Variants in DNM3 observed in about 807,000 individuals in gnomAD.
The protein encoded by DNM3 is dynamin 3.
A neutral mutation model predicts 101.6 loss-of-function variants in DNM3; 47 were observed. The ratio of observed to expected loss-of-function variants is 0.46; its 90% confidence interval spans 0.37 to 0.59. The LOEUF is 0.59. Ranked by LOEUF, DNM3 falls within the 20% of genes least tolerant of loss-of-function variation. The pLI is 0.00. For missense variants in DNM3, 849 were observed against 1,085.7 expected, an observed-to-expected ratio of 0.78 and a Z score of 3.06; for synonymous variants, 385 against 387.9, an observed-to-expected ratio of 0.99 and a Z score of 0.09.
intron 17 of DNM3, among the ~76,000 whole-genome samples, chr1:172,340,877 T>C (rs2066655687): frequency 6.6e-6 from 1 of 152,234 alleles, no homozygotes; most frequent in Non-Finnish European, 1.5e-5. Flanking sequence ...TCTTGTCTTC[T>C]GCTGGTTTTC....
At chr1:172,296,038 G>T (rs1015980788) in intron 15 of DNM3, among the ~76,000 whole-genome samples, 1 of 127,996 alleles carries the variant, frequency 7.8e-6, no homozygotes, top group Non-Finnish European at 1.7e-5. Flanking sequence ...AGCAACCATT[G>T]ATGGAGAATC....
chr1:171,971,315 C>G (rs1349731237), intron 2 of DNM3, among the ~76,000 whole-genome samples: 1 of 152,028 alleles, frequency 6.6e-6, no homozygotes, highest in East Asian at 1.9e-4. Context: ...AATTCAGATT[C>G]TACCCTTTCT....
chr1:172,325,759 C>T (rs2065913757), intron 17 of DNM3, among the ~76,000 whole-genome samples: 1 of 152,116 alleles, frequency 6.6e-6, no homozygotes. Context: ...CTGCCATATA[C>T]GTGAGCCAGC....
At chr1:172,399,819 C>T (rs1036781111) in intron 20 of DNM3, 1 of 151,746 alleles carries the variant, frequency 6.6e-6, no homozygotes, top group Non-Finnish European at 1.5e-5. Context: ...TAAAACTGAC[C>T]TTTTAATTCA....
At chr1:172,108,373 G>A (rs1355935657) in intron 13 of DNM3, among the ~76,000 whole-genome samples, 1 of 152,028 alleles carries the variant, frequency 6.6e-6, no homozygotes, top group East Asian at 1.9e-4. Context: ...TCCCTTGGGA[G>A]TAATTTGCAT....
chr1:172,378,398 G>T (rs1026888805), intron 17 of DNM3: 1 of 152,152 alleles, frequency 6.6e-6, no homozygotes, highest in Admixed American at 6.6e-5. Flanking sequence ...AGTAATAATT[G>T]TAAGTTTTTC....
At chr1:172,081,055 G>T (rs1317607265) in intron 11 of DNM3, among the ~76,000 whole-genome samples, 2 of 147,736 alleles carry the variant, frequency 1.4e-5, no homozygotes, top group Non-Finnish European at 3.0e-5. Flanking sequence ...CTGCATACTG[G>T]AGCTGTTCCT....
At chr1:171,999,716 C>T (rs961965239) in intron 4 of DNM3, among the ~76,000 whole-genome samples, 18 of 152,006 alleles carry the variant, frequency 1.2e-4, no homozygotes, top group African/African-American at 4.3e-4. Context: ...TGAGATAATC[C>T]TGGATTTAGG....
chr1:172,319,674 A>G (rs1366672917), intron 16 of DNM3, among the ~76,000 whole-genome samples: 2 of 152,228 alleles, frequency 1.3e-5, no homozygotes, highest in Non-Finnish European at 2.9e-5. Context: ...AATCAAAACC[A>G]CAATGAGATA....
chr1:172,011,840 A>G (rs531498105), intron 4 of DNM3, among the ~76,000 whole-genome samples: 1 of 152,150 alleles, frequency 6.6e-6, no homozygotes, highest in East Asian at 1.9e-4. Flanking sequence ...TAAATTTCTC[A>G]TGTGAACTCA....
At chr1:171,917,739 G>A (rs773229200) in intron 1 of DNM3, among the ~76,000 whole-genome samples, 1 of 152,016 alleles carries the variant, frequency 6.6e-6, no homozygotes, top group African/African-American at 2.4e-5. Context: ...AGGAAAAATG[G>A]CATACATATT....
chr1:171,885,882 G>A (rs1180591364), intron 1 of DNM3, among the ~76,000 whole-genome samples: 1 of 152,154 alleles, frequency 6.6e-6, no homozygotes, highest in Non-Finnish European at 1.5e-5. Flanking sequence ...GATAGATCTT[G>A]GACTTTGGTT....
intron 17 of DNM3, among the ~76,000 whole-genome samples, chr1:172,348,382 A>G (rs911183462): frequency 8.5e-5 from 13 of 152,152 alleles, no homozygotes; most frequent in Non-Finnish European, 1.9e-4. Flanking sequence ...AACACCAAAG[A>G]AAAAAAGATC....
intron 12 of DNM3, among the ~76,000 whole-genome samples, chr1:172,092,099 G>A (rs1027894126): frequency 1.1e-4 from 16 of 151,952 alleles, no homozygotes; most frequent in Non-Finnish European, 7.4e-5. Flanking sequence ...ATTTTAGGGG[G>A]GATTTCAGGA....
At chr1:171,881,671 C>T (rs867723078) in intron 1 of DNM3, among the ~76,000 whole-genome samples, 5 of 152,116 alleles carry the variant, frequency 3.3e-5, no homozygotes, top group African/African-American at 1.2e-4. Flanking sequence ...GCAGACCTCT[C>T]GGTACAGTAT....
chr1:172,079,399 C>A (rs2052950984), intron 11 of DNM3, among the ~76,000 whole-genome samples: 1 of 151,754 alleles, frequency 6.6e-6, no homozygotes, highest in African/African-American at 2.4e-5. Flanking sequence ...CTTTTTTCTG[C>A]TTGATCGATT....
intron 2 of DNM3, among the ~76,000 whole-genome samples, chr1:171,945,494 T>G (rs2042114633): frequency 6.6e-6 from 1 of 152,208 alleles, no homozygotes; most frequent in South Asian, 2.1e-4. Context: ...TTAAAAATCT[T>G]GTTTAGCAAG....
rs185748631 is a variant in DNM3, at chr1:172,040,791, T to G, written c.993-1218T>G. On this transcript the variant is annotated intron_variant, in intron 7 of 20. Transcript: ENST00000627582. The stretch of plus-strand genomic sequence containing the variant: ...CTTGAGCTGAGTCTTAAAGAACACG[T>G]AAAAATTAGTCAGGCAAAGCAGCAA... Among the ~76,000 whole-genome samples, 95 of 151,644 alleles carry G rather than the reference T, an allele frequency of 6.3e-4. 3 individuals carry two copies. In the South Asian group the frequency reaches 0.013, roughly 20 times the overall value.
At position 172,048,763 on chromosome 1, in the gene DNM3, T is replaced by C; in HGVS notation, c.1335+13T>C. On this transcript the variant is annotated intron_variant, in intron 10 of 20. Coordinates refer to ENST00000627582, the MANE Select transcript of DNM3 (RefSeq NM_015569.5). ...GTGTACCAAAAAAGTAAGTTCGAAT[T>C]ATTTAACTTTCCAGTACGTGGCTTT... The C allele has an allele frequency of 6.2e-7, 1 of 1,609,662 alleles. No homozygotes were observed. The highest frequency in any genetic ancestry group is 1.3e-5 in the African/African-American group (1 of 74,850).
Sources: allele counts gnomAD v4.1 joint callset (sites outside exome capture counted in the v4.1 genomes callset), GRCh38; gene constraint gnomAD v4.1.1; transcripts MANE v1.5; gene names NCBI Gene and HGNC (gene_info 2026-07-23, HGNC 2026-07-21).